FRA10AC1: variants seen among roughly 807,000 people sequenced by gnomAD.
FRA10AC1 encodes protein FRA10AC1.
In FRA10AC1, 43 loss-of-function variants were observed where a neutral mutation model predicts 56.5. The observed-to-expected ratio is 0.76, with a 90% CI of 0.60 to 0.98. The LOEUF (loss-of-function observed/expected upper bound fraction) is 0.98. Ranked by LOEUF, FRA10AC1 falls within the 50% of genes least tolerant of loss-of-function variation. The pLI, the probability that FRA10AC1 is intolerant of heterozygous loss-of-function variation, is 0.00. For missense variants in FRA10AC1, 346 were observed against 351.8 expected, an observed-to-expected ratio of 0.98 and a Z score of 0.13; for synonymous variants, 112 against 110.5, an observed-to-expected ratio of 1.01 and a Z score of -0.09.
At chr10:93,692,322 T>A (rs1164501290) in intron 6 of FRA10AC1, among the ~76,000 whole-genome samples, 1 of 152,210 alleles carries the variant, frequency 6.6e-6, no homozygotes, top group Non-Finnish European at 1.5e-5. Context: ...CTTCACTGTT[T>A]ACCCTTTGTA....
At chr10:93,697,294 A>T (rs772513259) in intron 4 of FRA10AC1, among the ~76,000 whole-genome samples, 1 of 152,174 alleles carries the variant, frequency 6.6e-6, no homozygotes, top group Non-Finnish European at 1.5e-5. Flanking sequence ...GATCCATGGA[A>T]AAGCTAGCTA....
Position 93,700,100 on chromosome 10 carries a change from C to T in FRA10AC1, c.7G>A (p.Gly3Ser), listed in dbSNP as rs750806040. The T allele has an allele frequency of 6.3e-7, 1 of 1,586,590 alleles. No homozygotes were observed. Among genetic ancestry groups the T allele is most frequent in the Non-Finnish European group, 8.6e-7 (1 of 1,157,194 alleles). MH[G>S]HGGYDSDFSD... ...AAATCAGAATCATAGCCTCCATGAC[C>T]ATGCATCTGTAAAGGAGTACAAAGT... Residue 3 changes from glycine (G) to serine (S), a missense_variant, in exon 2 of 14, where the codon GGT becomes AGT. By Grantham distance (56) the Gly-to-Ser change is moderately conservative. Transcript: ENST00000359204.
chr10:93,671,849 T>G (rs2058767213), intron 12 of FRA10AC1: 3 of 341,498 alleles, frequency 8.8e-6, no homozygotes, highest in South Asian at 7.1e-5. Flanking sequence ...ATACTTTTAC[T>G]TTCTATTTTA....
At chr10:93,698,016 CTAAA>C (rs2059261227) in intron 4 of FRA10AC1, 116 bp downstream of exon 4, 1 of 580,808 alleles carries the variant, frequency 1.7e-6, no homozygotes, top group South Asian at 3.2e-5. Context: ...TCCTACATCA[CTAAA>C]TACTTATCTT....
chr10:93,679,447 G>A (rs1398339874), intron 11 of FRA10AC1, among the ~76,000 whole-genome samples: 4 of 152,166 alleles, frequency 2.6e-5, no homozygotes, highest in Non-Finnish European at 5.9e-5. Context: ...ATCAGGAAAG[G>A]ATCCTTGGAA....
At chr10:93,687,327 TG>T in intron 8 of FRA10AC1, 76 bp downstream of exon 8, 2 of 1,133,952 alleles carry the variant, frequency 1.8e-6, no homozygotes, top group Non-Finnish European at 2.5e-6. Flanking sequence ...ATGTTAGGAA[TG>T]ATCTTAATGA....
Position 93,669,822 on chromosome 10 carries a change from C to A in FRA10AC1, c.*4G>T. Reference sequence around the variant, plus strand: ...TTAAGGAGCGGAGGCTTCTCTCTCTCGTCTCATAGAAACAAATCCTGAAAA... The same window carrying A: ...TTAAGGAGCGGAGGCTTCTCTCTCTAGTCTCATAGAAACAAATCCTGAAAA... On this transcript the variant is annotated 3_prime_UTR_variant, in exon 14 of 14. Transcript: ENST00000359204. The A allele has an allele frequency of 6.4e-7, 1 of 1,564,224 alleles. No individual in the cohort carries two copies. The highest frequency in any genetic ancestry group is 2.3e-5 in the East Asian group (1 of 43,922).
At chr10:93,686,095 T>C (rs950144189) in intron 8 of FRA10AC1, among the ~76,000 whole-genome samples, 6 of 151,832 alleles carry the variant, frequency 4.0e-5, no homozygotes, top group Non-Finnish European at 8.8e-5. Flanking sequence ...AAGATCAAAC[T>C]CTTATTAATT....
At chr10:93,676,740 C>T (rs368789516) in intron 11 of FRA10AC1, 49 bp from the exon 12 acceptor site, 3 of 1,513,992 alleles carry the variant, frequency 2.0e-6, no homozygotes, top group African/African-American at 2.8e-5. Context: ...TGTAATAGTG[C>T]AATCATTGTA....
In FRA10AC1 at chr10:93,693,216, A is replaced by G. The variant is rs74150304; in HGVS notation, c.297-487T>C. Among the ~76,000 whole-genome samples the G allele has an allele frequency of 5.4e-3, 816 of 151,598 alleles. 8 individuals are homozygous for G. Among genetic ancestry groups the G allele is most frequent in the African/African-American group, 0.019 (788 of 41,376 alleles). On this transcript the variant is annotated intron_variant, in intron 5 of 13. Transcript: ENST00000359204. ...AAATGCTAACAGTCTGGGGGTAAAA[A>G]AAAAAAGGAAAAAAAAAAGTGATTG...
intron 5 of FRA10AC1, among the ~76,000 whole-genome samples, chr10:93,693,473 GGT>G (rs201961056): frequency 0.61 from 72,169 of 118,414 alleles, 25,676 homozygotes; most frequent in Middle Eastern, 0.8. Context: ...AAGAAAATGT[GGT>G]GTGTGTGTAT....
rs1589727728 is a variant in FRA10AC1 at position 93,694,861 on chromosome 10, C to T, written c.296G>A (p.Gly99Glu). The stretch of plus-strand genomic sequence containing the variant: ...TCTATGTAAACTTCCTGATACTTAC[C>T]CCAAACGCTTGAAGTCTTCTTTTTT... Reference protein sequence around the residue: ...GGKKEDFKRLGENDKTDLDVI... With the variant: ...GGKKEDFKRLEENDKTDLDVI... The change falls in exon 5 of 14, where the codon GGG (glycine) becomes GAG (glutamate). Residue 99 changes from glycine to glutamate, a missense_variant and splice_region_variant. By Grantham distance (98) the Gly-to-Glu change is moderately conservative. Coordinates refer to ENST00000359204, the MANE Select transcript of FRA10AC1 (RefSeq NM_145246.5). 6.4e-7 allele frequency: 1 copy of T among 1,572,740 alleles called. No homozygotes were observed. The highest frequency in any genetic ancestry group is 8.8e-7 in the Non-Finnish European group (1 of 1,142,820).
At position 93,685,370 on chromosome 10, in the gene FRA10AC1, G is replaced by T; in HGVS notation, c.512-11C>A. The T allele has an allele frequency of 8.4e-7, 1 of 1,185,926 alleles. No homozygotes were observed. The highest frequency in any genetic ancestry group is 1.3e-6 in the Non-Finnish European group (1 of 798,500). The allele number at this position is 1,185,926 out of a possible 1,614,324, so 73.5% of individuals were successfully genotyped here. A position where few individuals can be genotyped will look rare whatever the true frequency, so the allele number is the denominator to read the frequency against. ...CACAGAAAAATTGACCTGCAGAAAG[G>T]AAAGGAATATTAGCTATGGTAGTTG... On this transcript the variant is annotated splice_polypyrimidine_tract_variant and intron_variant, in intron 8 of 13. Transcript: ENST00000359204.
At chr10:93,684,836 A>G (rs1000695803) in intron 9 of FRA10AC1, among the ~76,000 whole-genome samples, 4 of 152,246 alleles carry the variant, frequency 2.6e-5, no homozygotes, top group Admixed American at 2.0e-4. Flanking sequence ...ATGCCTTCCT[A>G]AAGTTTTTCT....
intron 8 of FRA10AC1, 157 bp from the exon 9 acceptor site, chr10:93,685,516 C>G (rs1412948282): frequency 1.1e-5 from 5 of 462,508 alleles, no homozygotes; most frequent in Non-Finnish European, 1.9e-5. Flanking sequence ...AACTTGTATA[C>G]AAGTATCAAA....
chr10:93,679,784 C>T (rs1161280537), intron 11 of FRA10AC1, among the ~76,000 whole-genome samples: 1 of 151,916 alleles, frequency 6.6e-6, no homozygotes, highest in Admixed American at 6.6e-5. Context: ...AGGCGGAACC[C>T]GTAAGGAGAA....
intron 5 of FRA10AC1, among the ~76,000 whole-genome samples, chr10:93,693,487 TATATATATATATATATATATACACC>T (rs2059160388): frequency 4.0e-5 from 1 of 24,940 alleles, no homozygotes; most frequent in Non-Finnish European, 1.6e-4. Flanking sequence ...TGTGTGTATA[TATATATATATATATATATATACACC>T]ATATATATAT....
At chr10:93,677,556 A>G (rs931088522) in intron 11 of FRA10AC1, among the ~76,000 whole-genome samples, 2 of 152,224 alleles carry the variant, frequency 1.3e-5, no homozygotes, top group Non-Finnish European at 2.9e-5. Flanking sequence ...CCAAGAACAT[A>G]ATTAGAACCA....
intron 12 of FRA10AC1, chr10:93,671,911 A>G (rs201162069): frequency 0.062 from 22,949 of 372,408 alleles, 1,379 homozygotes; most frequent in African/African-American, 0.16. Context: ...TTACCTTCAA[A>G]ATCAGTAAAA....
Sources: gnomAD v4.1 joint callset for allele counts (sites outside exome capture counted in the v4.1 genomes callset) on GRCh38, gnomAD v4.1.1 for gene constraint, MANE v1.5 for transcripts, NCBI Gene and HGNC (gene_info 2026-07-23, HGNC 2026-07-21) for gene names.